FOXN3: variants seen among roughly 807,000 people sequenced by gnomAD.
The protein encoded by FOXN3 is forkhead box N3.
FOXN3 carries 7 observed loss-of-function variants against 38.4 expected under a neutral mutation model. That is an observed-to-expected ratio of 0.18 (90% CI 0.10 to 0.34). The LOEUF (loss-of-function observed/expected upper bound fraction) is 0.34. FOXN3 is among the 10% of genes least tolerant of loss of function. The pLI is 1.00. For synonymous variants in FOXN3, 230 were observed against 242.2 expected (o/e 0.95, Z 0.47); for missense variants, 456 against 613.4 (o/e 0.74, Z 2.71).
At chr14:89,532,524 C>G (rs1309606656) in intron 1 of FOXN3, among the ~76,000 whole-genome samples, 3 of 152,160 alleles carry the variant, frequency 2.0e-5, no homozygotes, top group African/African-American at 7.2e-5. Flanking sequence ...ACACATAAAA[C>G]TACATCTATT....
chr14:89,391,832 C>T (rs1403957881), intron 2 of FOXN3, among the ~76,000 whole-genome samples: 1 of 152,142 alleles, frequency 6.6e-6, no homozygotes, highest in Non-Finnish European at 1.5e-5. Flanking sequence ...TGGCCAAACC[C>T]CATCTCTACT....
At chr14:89,469,358 G>C (rs973814128) in intron 1 of FOXN3, among the ~76,000 whole-genome samples, 25 of 152,356 alleles carry the variant, frequency 1.6e-4, no homozygotes, top group Middle Eastern at 3.4e-3. Flanking sequence ...AAGGCAGGCA[G>C]AAGTTTCAGC....
At chr14:89,172,228 C>T (rs1351267733) in intron 5 of FOXN3, among the ~76,000 whole-genome samples, 3 of 152,152 alleles carry the variant, frequency 2.0e-5, no homozygotes, top group Non-Finnish European at 4.4e-5. Context: ...GAGAACTATA[C>T]ATGCTCATGG....
At chr14:89,387,935 C>T (rs1890837021) in intron 2 of FOXN3, among the ~76,000 whole-genome samples, 1 of 152,224 alleles carries the variant, frequency 6.6e-6, no homozygotes, top group African/African-American at 2.4e-5. Context: ...GTAATCCCAG[C>T]ACTTGGGGCA....
chr14:89,559,339 TG>T (rs752484748), intron 1 of FOXN3, among the ~76,000 whole-genome samples: 2 of 152,114 alleles, frequency 1.3e-5, no homozygotes, highest in African/African-American at 2.4e-5. Flanking sequence ...TGATCACCAC[TG>T]CACTCCAGCC....
At chr14:89,353,787 T>C (rs1889079089) in intron 2 of FOXN3, 2 of 152,094 alleles carry the variant, frequency 1.3e-5, no homozygotes, top group African/African-American at 2.4e-5. Flanking sequence ...TGGAGTGCAG[T>C]GATGTGATAT....
rs113316678 is a variant in FOXN3 at position 89,159,445 on chromosome 14, C to CA, written c.*2968dup. On this transcript the variant is annotated 3_prime_UTR_variant, in exon 6 of 6. Transcript: ENST00000557258. ...AAAGCTGCCCGATGAGGTATTTATG[C>CA]AAAAAGAGTGGTTCTGGAGTTAAGA... The CA allele has an allele frequency of 2.0e-3, 299 of 152,652 alleles. 2 individuals are homozygous for CA. The highest frequency in any genetic ancestry group is 6.8e-3 in the African/African-American group (283 of 41,530). The allele number at this position is 152,652 out of a possible 1,614,324, so 9.5% of individuals were successfully genotyped here.
chr14:89,322,761 A>C (rs1239820600), intron 3 of FOXN3, among the ~76,000 whole-genome samples: 1 of 152,138 alleles, frequency 6.6e-6, no homozygotes, highest in Admixed American at 6.5e-5. Flanking sequence ...AGAGGCAAGA[A>C]GGAGGCCAAG....
At chr14:89,424,438 A>G (rs1891981119) in intron 1 of FOXN3, among the ~76,000 whole-genome samples, 1 of 152,212 alleles carries the variant, frequency 6.6e-6, no homozygotes, top group African/African-American at 2.4e-5. Flanking sequence ...ATTGCTAAGT[A>G]CAACAAACAT....
chr14:89,360,790 C>CACCACCTCCAG (rs1889507435), intron 2 of FOXN3, among the ~76,000 whole-genome samples: 1 of 66,998 alleles, frequency 1.5e-5, no homozygotes, highest in Admixed American at 1.7e-4. Flanking sequence ...ACCACCTCCA[C>CACCACCTCCAG]CACCACCACC....
intron 1 of FOXN3, among the ~76,000 whole-genome samples, chr14:89,599,712 G>A (rs1896122798): frequency 1.3e-5 from 2 of 152,104 alleles, no homozygotes; most frequent in Non-Finnish European, 2.9e-5. Context: ...TCTGGCTTCA[G>A]GCAGACATCT....
At chr14:89,493,295 A>G (rs536612440) in intron 1 of FOXN3, among the ~76,000 whole-genome samples, 3 of 152,228 alleles carry the variant, frequency 2.0e-5, no homozygotes, top group Non-Finnish European at 4.4e-5. Flanking sequence ...GCACTACAAC[A>G]TACTTGAAAG....
chr14:89,441,065 G>A (rs972126254), intron 1 of FOXN3, among the ~76,000 whole-genome samples: 1 of 152,148 alleles, frequency 6.6e-6, no homozygotes, highest in Non-Finnish European at 1.5e-5. Context: ...AATTAAGTAT[G>A]AGAAAGTGGC....
At chr14:89,440,200 C>CT (rs1313868042) in intron 1 of FOXN3, among the ~76,000 whole-genome samples, 1 of 152,170 alleles carries the variant, frequency 6.6e-6, no homozygotes, top group East Asian at 1.9e-4. Context: ...CTTGGCCTGC[C>CT]TACCCCTACT....
chr14:89,261,533 C>T (rs895734629), intron 4 of FOXN3, among the ~76,000 whole-genome samples: 1 of 152,146 alleles, frequency 6.6e-6, no homozygotes, highest in Admixed American at 6.5e-5. Flanking sequence ...GTGACTCACG[C>T]CTGTAATCCC....
At chr14:89,208,259 G>C (rs1029551779) in intron 4 of FOXN3, among the ~76,000 whole-genome samples, 1 of 152,178 alleles carries the variant, frequency 6.6e-6, no homozygotes, top group Admixed American at 6.5e-5. Flanking sequence ...GACAATGATG[G>C]GCAGCCAGGG....
intron 1 of FOXN3, among the ~76,000 whole-genome samples, chr14:89,582,660 T>G (rs1483430531): frequency 6.6e-6 from 1 of 152,064 alleles, no homozygotes; most frequent in East Asian, 1.9e-4. Context: ...GGGATATTAT[T>G]CACACATTTA....
intron 4 of FOXN3, among the ~76,000 whole-genome samples, chr14:89,229,154 C>CT (rs1884726697): frequency 6.6e-6 from 1 of 152,122 alleles, no homozygotes; most frequent in African/African-American, 2.4e-5. Flanking sequence ...GGCTGCTCTC[C>CT]AGCACTCGTG....
intron 3 of FOXN3, among the ~76,000 whole-genome samples, chr14:89,321,669 A>G (rs1312228435): frequency 6.6e-6 from 1 of 152,198 alleles, no homozygotes; most frequent in East Asian, 1.9e-4. Context: ...ACACTGGCCA[A>G]AGACGTTCTT....
Sources: allele counts gnomAD v4.1 joint callset (sites outside exome capture counted in the v4.1 genomes callset), GRCh38; gene constraint gnomAD v4.1.1; transcripts MANE v1.5; gene names NCBI Gene and HGNC (gene_info 2026-07-23, HGNC 2026-07-21).